The following SRGAP3 variants were observed in gnomAD, a reference collection of about 807,000 sequenced individuals.
SRGAP3 encodes the protein SLIT-ROBO Rho GTPase activating protein 3.
SRGAP3 carries 39 observed loss-of-function variants against 121.1 expected under a neutral mutation model. That is an observed-to-expected ratio of 0.32 (90% CI 0.25 to 0.42). The LOEUF (loss-of-function observed/expected upper bound fraction) is 0.42. SRGAP3 is among the 10% of genes least tolerant of loss of function. The pLI, the probability that SRGAP3 is intolerant of heterozygous loss-of-function variation, is 1.00. For missense variants in SRGAP3, 1,213 were observed against 1,470.6 expected (o/e 0.82, Z 2.86); for synonymous variants, 601 against 570.0 (o/e 1.05, Z -0.77).
At chr3:9,160,633 C>T (rs1950573790) in intron 1 of SRGAP3, among the ~76,000 whole-genome samples, 1 of 150,838 alleles carries the variant, frequency 6.6e-6, no homozygotes, top group East Asian at 1.9e-4. Flanking sequence ...TGATTCTTGA[C>T]CCATGGAAAC....
intron 1 of SRGAP3, among the ~76,000 whole-genome samples, chr3:9,181,200 C>T (rs977725529): frequency 2.6e-5 from 4 of 152,168 alleles, no homozygotes; most frequent in South Asian, 2.1e-4. Context: ...GGAAGTGTCA[C>T]GTGCTGCACA....
chr3:9,283,784 C>A (rs1954721892), intron 3 of SRGAP3, among the ~76,000 whole-genome samples: 1 of 151,996 alleles, frequency 6.6e-6, no homozygotes, highest in Non-Finnish European at 1.5e-5. Flanking sequence ...AATGAGGGAA[C>A]CAGGCAGATA....
intron 1 of SRGAP3, among the ~76,000 whole-genome samples, chr3:9,341,243 T>C (rs1489212581): frequency 1.3e-5 from 2 of 151,832 alleles, no homozygotes; most frequent in African/African-American, 4.9e-5. Context: ...ATTCAGTCCA[T>C]AGCAGTGGGC....
Position 9,058,438 on chromosome 3 carries a change from C to T in SRGAP3, c.836G>A (p.Arg279His). 1.9e-6 allele frequency: 3 copies of T among 1,614,088 alleles called. No homozygotes were observed. Among genetic ancestry groups the T allele is most frequent in the South Asian group, 1.1e-5 (1 of 91,076 alleles). ...CDLGFHASLARTFRTYLSAEY... is the reference protein window; with the variant it reads ...CDLGFHASLAHTFRTYLSAEY... The stretch of plus-strand genomic sequence containing the variant: ...AGCTGAGAGATAGGTCCGGAAGGTG[C>T]GGGCCAGGCTGGCATGGAAGCCCAA... The change falls in exon 7 of 22, where the codon CGC (arginine) becomes CAC (histidine). Residue 279 changes from arginine (R) to histidine (H), a missense_variant. This residue lies in a region of SRGAP3 where 793 missense variants were observed against 1,032.9 expected (regional missense o/e 0.77). Coordinates refer to ENST00000383836, the MANE Select transcript of SRGAP3 (RefSeq NM_014850.4).
At chr3:9,297,513 A>T (rs892357541) in intron 3 of SRGAP3, among the ~76,000 whole-genome samples, 2 of 152,054 alleles carry the variant, frequency 1.3e-5, no homozygotes, top group Non-Finnish European at 2.9e-5. Context: ...AATGTGACTA[A>T]ATTTGGAGAC....
Position 9,240,976 on chromosome 3 carries a change from G to A in SRGAP3, c.67+7909C>T, listed in dbSNP as rs182055795. Among the ~76,000 whole-genome samples the A allele has an allele frequency of 2.0e-5, 3 of 152,280 alleles. No homozygotes were observed. The East Asian group carries it at 5.8e-4, about 29-fold the overall frequency. ...GTGTCAGGAAGGGAAGGAAGTCAAA[G>A]GTTAAGACCCACCCCACACTTCCCC... On this transcript the variant is annotated intron_variant, in intron 1 of 21. Coordinates refer to ENST00000383836, the MANE Select transcript of SRGAP3 (RefSeq NM_014850.4).
intron 1 of SRGAP3, among the ~76,000 whole-genome samples, chr3:9,248,599 G>C (rs1458186566): frequency 6.6e-6 from 1 of 152,160 alleles, no homozygotes; most frequent in African/African-American, 2.4e-5. Context: ...CAAGATGATG[G>C]GGTATCAGCG....
intron 1 of SRGAP3, among the ~76,000 whole-genome samples, chr3:9,156,964 C>G (rs538718931): frequency 3.5e-4 from 54 of 152,314 alleles, no homozygotes; most frequent in Middle Eastern, 6.8e-3. Flanking sequence ...TGCCCCTAAG[C>G]ACCCTAGTTT....
intron 1 of SRGAP3, chr3:9,193,863 CCAA>C (rs1951838537): frequency 6.6e-6 from 1 of 152,304 alleles, no homozygotes; most frequent in Admixed American, 6.5e-5. Flanking sequence ...TGTGATGGCT[CCAA>C]CAACCCCAAA....
chr3:9,284,467 A>G (rs1954733144), intron 3 of SRGAP3, among the ~76,000 whole-genome samples: 2 of 152,220 alleles, frequency 1.3e-5, no homozygotes, highest in African/African-American at 4.8e-5. Flanking sequence ...TTTAGCTACC[A>G]TTGCTTTTGC....
At chr3:9,303,397 C>G (rs927291953) in intron 3 of SRGAP3, among the ~76,000 whole-genome samples, 1 of 151,232 alleles carries the variant, frequency 6.6e-6, no homozygotes, top group Non-Finnish European at 1.5e-5. Flanking sequence ...TGCACTCCAG[C>G]CTGGGCGACA....
intron 3 of SRGAP3, among the ~76,000 whole-genome samples, chr3:9,287,622 G>A (rs1002958929): frequency 1.3e-5 from 2 of 152,170 alleles, no homozygotes; most frequent in African/African-American, 2.4e-5. Flanking sequence ...AGGGTGAGGT[G>A]CAGTAAGCGT....
intron 21 of SRGAP3, among the ~76,000 whole-genome samples, chr3:8,989,287 T>A (rs1385933018): frequency 3.9e-5 from 6 of 152,158 alleles, no homozygotes; most frequent in Admixed American, 3.9e-4. Context: ...TGATGTTTCC[T>A]CAAGTATGGG....
intron 1 of SRGAP3, among the ~76,000 whole-genome samples, chr3:9,169,034 G>C (rs1950888114): frequency 2.0e-5 from 3 of 152,192 alleles, no homozygotes; most frequent in African/African-American, 7.2e-5. Context: ...CTTGTGCAGT[G>C]CATGGCCAGC....
At position 8,990,720 on chromosome 3, in the gene SRGAP3, G is replaced by A; in HGVS notation, c.2678C>T (p.Pro893Leu). 1.2e-6 allele frequency: 2 copies of A among 1,612,404 alleles called. No individual in the cohort carries two copies. The highest frequency in any genetic ancestry group is 1.7e-6 in the Non-Finnish European group (2 of 1,179,554). Residue 893 changes from proline (P) to leucine (L), a missense_variant, in exon 21 of 22, where the codon CCC becomes CTC. By Grantham distance (98) the Pro-to-Leu change is moderately conservative (BLOSUM62 -3). This residue lies in a region of SRGAP3 where 420 missense variants were observed against 437.7 expected (regional missense o/e 0.96). Coordinates refer to ENST00000383836, the MANE Select transcript of SRGAP3 (RefSeq NM_014850.4). The part of the protein sequence containing the change: ...IDTPPRAAAC[P>L]SSPHKIPLTR... ...GAGGGGGATTTTGTGGGGGCTGCTG[G>A]GGCAGGCAGCAGCCCGGGGTGGTGT...
In SRGAP3 at chr3:9,199,196, C is replaced by T. The variant is rs540647887; in HGVS notation, c.67+49689G>A. Among the ~76,000 whole-genome samples the T allele has an allele frequency of 4.6e-5, 7 of 152,314 alleles. No individual in the cohort carries two copies. In the South Asian group the frequency reaches 1.5e-3, roughly 32 times the overall value. ...TCAGAGTTACTTAATTCTGCATTTGCAATGGGCTTAATCATCTGCATCAGA... is the reference window on the plus strand; with the variant it reads ...TCAGAGTTACTTAATTCTGCATTTGTAATGGGCTTAATCATCTGCATCAGA... On this transcript the variant is annotated intron_variant, in intron 1 of 21. Coordinates refer to ENST00000383836, the MANE Select transcript of SRGAP3 (RefSeq NM_014850.4).
chr3:9,039,700 G>A (rs151042328), intron 10 of SRGAP3, among the ~76,000 whole-genome samples: 169 of 152,260 alleles, frequency 1.1e-3, no homozygotes, highest in African/African-American at 3.5e-3. Context: ...ACAGATTTGC[G>A]TAGTCGAGAC....
chr3:9,025,035 T>A (rs1559940453), intron 14 of SRGAP3, among the ~76,000 whole-genome samples: 1 of 152,180 alleles, frequency 6.6e-6, no homozygotes, highest in Non-Finnish European at 1.5e-5. Context: ...CAGGTAACAA[T>A]TAGAACTTAG....
At chr3:9,353,825 G>A (rs926147180) in intron 1 of SRGAP3, among the ~76,000 whole-genome samples, 6 of 152,168 alleles carry the variant, frequency 3.9e-5, no homozygotes, top group Admixed American at 1.3e-4. Flanking sequence ...TTTCAGTAGT[G>A]TACTGAATGA....
Sources: allele counts gnomAD v4.1 joint callset (sites outside exome capture counted in the v4.1 genomes callset), GRCh38; gene constraint gnomAD v4.1.1; regional missense constraint gnomAD v4.1.1; transcripts MANE v1.5; gene names NCBI Gene and HGNC (gene_info 2026-07-23, HGNC 2026-07-21).